METTL24: variants seen among roughly 807,000 people sequenced by gnomAD.
METTL24 encodes methyltransferase like 24, also known as probable methyltransferase-like protein 24.
METTL24 carries 29 observed loss-of-function variants against 32.7 expected under a neutral mutation model. The ratio of observed to expected loss-of-function variants is 0.89; its 90% CI spans 0.66 to 1.21. METTL24 has a LOEUF of 1.21. Among genes scored for constraint, METTL24 ranks in the 50% most tolerant of loss-of-function variants. The probability of loss-of-function intolerance (pLI) is 0.00; values close to 1 mark genes in which losing one functional copy is unlikely to be tolerated. For missense variants in METTL24, 439 were observed against 468.1 expected (o/e 0.94, Z 0.57); for synonymous variants, 163 against 179.5 (o/e 0.91, Z 0.73).
chr6:110,302,674 T>C (rs1423387145), intron 3 of METTL24, among the ~76,000 whole-genome samples: 1 of 145,318 alleles, frequency 6.9e-6, no homozygotes. Flanking sequence ...TACACACACA[T>C]ACACGTGTGT....
At chr6:110,267,214 A>G (rs1403605021) in intron 4 of METTL24, among the ~76,000 whole-genome samples, 1 of 152,182 alleles carries the variant, frequency 6.6e-6, no homozygotes, top group Non-Finnish European at 1.5e-5. Flanking sequence ...AGCCCAAGAG[A>G]AAAGGAAGGA....
At chr6:110,334,199 G>A (rs546265582) in intron 1 of METTL24, among the ~76,000 whole-genome samples, 12 of 152,236 alleles carry the variant, frequency 7.9e-5, no homozygotes, top group Admixed American at 7.2e-4. Flanking sequence ...GCTCCCCGAG[G>A]TCTCTTTGGT....
At chr6:110,263,084 A>G (rs1224139660) in intron 4 of METTL24, among the ~76,000 whole-genome samples, 4 of 151,996 alleles carry the variant, frequency 2.6e-5, no homozygotes, top group African/African-American at 4.8e-5. Flanking sequence ...CTCTCTCACC[A>G]CTCCTATTCA....
In METTL24 at chr6:110,245,804, G is replaced by A. The variant is rs901846183; in HGVS notation, c.*142C>T. ...TGCCCCATCACATGCCAAGCACTAG[G>A]CTGCATGCCCGCAATAACACACTCC... is the stretch of plus-strand genomic sequence containing the variant. On this transcript the variant is annotated 3_prime_UTR_variant, in exon 5 of 5. Coordinates refer to ENST00000338882, the MANE Select transcript of METTL24 (RefSeq NM_001123364.3). The A allele has an allele frequency of 1.8e-5, 14 of 762,648 alleles. No homozygotes were observed. Among genetic ancestry groups the A allele is most frequent in the Non-Finnish European group, 2.8e-5 (13 of 465,206 alleles). The allele number at this position is 762,648 out of a possible 1,614,324, so 47.2% of individuals were successfully genotyped here. A position where few individuals can be genotyped will look rare whatever the true frequency, so the allele number is the denominator to read the frequency against.
At chr6:110,335,334 A>C (rs1423300103) in intron 1 of METTL24, among the ~76,000 whole-genome samples, 4 of 152,190 alleles carry the variant, frequency 2.6e-5, no homozygotes, top group Non-Finnish European at 5.9e-5. Context: ...TTCAGATTGG[A>C]AATAACGAGA....
chr6:110,319,010 T>C (rs1409556324), intron 2 of METTL24, among the ~76,000 whole-genome samples: 2 of 152,214 alleles, frequency 1.3e-5, no homozygotes. Flanking sequence ...TTTTGTGAAA[T>C]TTTTTTAATT....
chr6:110,315,332 A>G lies in METTL24; in HGVS notation c.557+10T>C. ...TTGTGTTTTCTTCTGCTGTAAAAAA[A>G]TGTACTCACCCTAAGGAGTAGAGGC... On this transcript the variant is annotated intron_variant, in intron 3 of 4. Coordinates refer to ENST00000338882, the MANE Select transcript of METTL24 (RefSeq NM_001123364.3). The G allele has an allele frequency of 6.2e-7, 1 of 1,613,802 alleles. No homozygotes were observed.
intron 4 of METTL24, among the ~76,000 whole-genome samples, chr6:110,288,586 G>A (rs1008828926): frequency 3.3e-5 from 5 of 152,020 alleles, no homozygotes; most frequent in African/African-American, 1.2e-4. Context: ...AAAAGATGAA[G>A]GTGAGATGCA....
At chr6:110,265,407 G>A (rs951644843) in intron 4 of METTL24, among the ~76,000 whole-genome samples, 17 of 152,140 alleles carry the variant, frequency 1.1e-4, no homozygotes, top group African/African-American at 4.1e-4. Flanking sequence ...AGCATGGCAG[G>A]ACTGTTGCTT....
chr6:110,306,235 C>A (rs986538754), intron 3 of METTL24, among the ~76,000 whole-genome samples: 34 of 151,990 alleles, frequency 2.2e-4, no homozygotes, highest in Admixed American at 7.9e-4. Flanking sequence ...CAGCAAACCA[C>A]CATGGCACAT....
intron 4 of METTL24, among the ~76,000 whole-genome samples, chr6:110,263,115 G>T (rs1770781229): frequency 6.6e-6 from 1 of 152,122 alleles, no homozygotes; most frequent in African/African-American, 2.4e-5. Context: ...GGAAGTTCTG[G>T]CCAGGGCAAT....
At chr6:110,263,331 CAA>C in intron 4 of METTL24, among the ~76,000 whole-genome samples, 1 of 152,104 alleles carries the variant, frequency 6.6e-6, no homozygotes, top group African/African-American at 2.4e-5. Context: ...CAATAACAGA[CAA>C]ACAGAGAGCC....
intron 1 of METTL24, among the ~76,000 whole-genome samples, chr6:110,341,720 C>A (rs1003904014): frequency 3.7e-4 from 56 of 152,318 alleles, no homozygotes; most frequent in Non-Finnish European, 2.8e-4. Context: ...AACATGAAAT[C>A]TGACCTCATC....
intron 1 of METTL24, among the ~76,000 whole-genome samples, chr6:110,330,890 T>TA (rs1326346291): frequency 1.3e-5 from 2 of 152,150 alleles, no homozygotes; most frequent in African/African-American, 4.8e-5. Flanking sequence ...ACTAAGCATA[T>TA]GAAGAATCAG....
chr6:110,246,316 A>T (rs1298899841), intron 4 of METTL24, 56 bp from the exon 5 acceptor site: 2 of 1,455,492 alleles, frequency 1.4e-6, no homozygotes, highest in Non-Finnish European at 9.3e-7. Flanking sequence ...TCTTGATATC[A>T]GGAGTTTCAC....
At chr6:110,343,745 T>C (rs1582441380) in intron 1 of METTL24, among the ~76,000 whole-genome samples, 1 of 152,288 alleles carries the variant, frequency 6.6e-6, no homozygotes, top group East Asian at 1.9e-4. Flanking sequence ...CAAGAAAACT[T>C]TAATCAGTTT....
chr6:110,302,434 T>TATGTGTATATATACACATATACACACAC (rs1562230639), intron 3 of METTL24, among the ~76,000 whole-genome samples: 5 of 135,768 alleles, frequency 3.7e-5, no homozygotes, highest in African/African-American at 1.5e-4. Context: ...TACACACACA[T>TATGTGTATATATACACATATACACACAC]ATGTGTATAT....
At chr6:110,331,138 G>A (rs1035919013) in intron 1 of METTL24, among the ~76,000 whole-genome samples, 5 of 152,160 alleles carry the variant, frequency 3.3e-5, no homozygotes, top group Non-Finnish European at 5.9e-5. Flanking sequence ...TAAAATCTCA[G>A]GGGATGAATT....
At chr6:110,295,013 C>CTTTTTTTTTTTTTTTTTTTTTTTTTTTT (rs1195740747) in intron 4 of METTL24, among the ~76,000 whole-genome samples, 1 of 78,146 alleles carries the variant, frequency 1.3e-5, no homozygotes, top group African/African-American at 5.5e-5. Context: ...TTCTTTCTTT[C>CTTTTTTTTTTTTTTTTTTTTTTTTTTTT]TTTTTTTTTT....
Sources: allele counts gnomAD v4.1 joint callset (sites outside exome capture counted in the v4.1 genomes callset), GRCh38; gene constraint gnomAD v4.1.1; transcripts MANE v1.5; gene names NCBI Gene and HGNC (gene_info 2026-07-23, HGNC 2026-07-21).